Variants in LPCAT1 observed in about 807,000 individuals in gnomAD.
LPCAT1 encodes 1-acylglycerol-3-phosphate O-acyltransferase.
A neutral mutation model predicts 60.9 loss-of-function variants in LPCAT1; 23 were observed. The observed-to-expected ratio is 0.38, with a 90% CI of 0.27 to 0.53. The LOEUF is 0.53. LPCAT1 is among the 20% of genes least tolerant of loss of function. LPCAT1 has a pLI of 0.82. For missense variants in LPCAT1, 622 were observed against 723.6 expected (o/e 0.86, Z 1.61); for synonymous variants, 340 against 301.1 (o/e 1.13, Z -1.34).
Position 1,474,051 on chromosome 5 carries a change from T to A in LPCAT1, c.1085A>T (p.Lys362Met), listed in dbSNP as rs1394832147. ...CGCAATACCTATCTTCTCTCCTCCC[T>A]TCATCCTGGCTCTTTCTGAGTATCT... ...LDRYSERARM[K>M]GGEKIGIAEF... is the part of the protein sequence containing the mutation. Residue 362 changes from lysine to methionine, a missense_variant, in exon 11 of 14, where the codon AAG becomes ATG. Lys to Met is a moderately conservative substitution (Grantham distance 95). This residue lies in a region of LPCAT1 where 288 missense variants were observed against 283.6 expected (regional missense o/e 1.02). Transcript: ENST00000283415. 1 of 1,614,188 alleles carries A rather than the reference T, an allele frequency of 6.2e-7. No homozygotes were observed. Among genetic ancestry groups the A allele is most frequent in the Non-Finnish European group, 8.5e-7 (1 of 1,180,020 alleles).
At chr5:1,473,891 A>T in intron 11 of LPCAT1, 66 bp downstream of exon 11, 5 of 1,560,598 alleles carry the variant, frequency 3.2e-6, no homozygotes, top group Non-Finnish European at 4.4e-6. Context: ...TTAGAATGAG[A>T]ACAATTTATG....
At position 1,474,032 on chromosome 5, in the gene LPCAT1, AC is replaced by A; in HGVS notation, c.1103del (p.Gly368ValfsTer89). The A allele has an allele frequency of 6.2e-7, 1 of 1,614,128 alleles. No homozygotes were observed. Among genetic ancestry groups the A allele is most frequent in the Non-Finnish European group, 8.5e-7 (1 of 1,180,018 alleles). On this transcript the variant is annotated frameshift_variant, in exon 11 of 14. Transcript: ENST00000283415. LOFTEE classifies it high-confidence loss of function. ...RARMKGGEKIGIAEFAASLEV... is the reference protein window; with the variant it reads ...RARMKGGEKIXIAEFAASLEV... ...CCAGGGAGGCGGCAAACTCCGCAAT[AC>A]CTATCTTCTCTCCTCCCTTCATCCT...
chr5:1,509,161 C>T (rs377542592), intron 1 of LPCAT1, among the ~76,000 whole-genome samples: 2 of 152,250 alleles, frequency 1.3e-5, no homozygotes, highest in Non-Finnish European at 2.9e-5. Context: ...GGATGGCGCC[C>T]GGAGACTCGA....
At chr5:1,505,882 G>A (rs1736171836) in intron 1 of LPCAT1, among the ~76,000 whole-genome samples, 1 of 152,256 alleles carries the variant, frequency 6.6e-6, no homozygotes, top group Non-Finnish European at 1.5e-5. Flanking sequence ...GGGAAAGAAT[G>A]CCTGACCACG....
rs1168336545 is a variant in LPCAT1, at chr5:1,463,803, C to A, written c.1453G>T (p.Ala485Ser). 6.2e-7 allele frequency: 1 copy of A among 1,614,254 alleles called. No individual in the cohort carries two copies. ...GGGTACAGGTATTCCTCTGCGAAGG[C>A]AGGGTACATTTCTGCAAACCTGTGG... ...DFHRFAEMYPAFAEEYLYPDQ... is the reference protein window; with the variant it reads ...DFHRFAEMYPSFAEEYLYPDQ... Residue 485 changes from alanine to serine, a missense_variant, in exon 14 of 14, where the codon GCC becomes TCC. Ala to Ser is a moderately conservative substitution (Grantham distance 99). This residue lies in a region of LPCAT1 where 288 missense variants were observed against 283.6 expected (regional missense o/e 1.02). Coordinates refer to ENST00000283415, the MANE Select transcript of LPCAT1 (RefSeq NM_024830.5).
rs1002203828 is a variant in LPCAT1 at position 1,508,972 on chromosome 5, G to A, written c.136-7369C>T. Among the ~76,000 whole-genome samples the A allele has an allele frequency of 6.6e-5, 10 of 152,270 alleles. 1 individual carries two copies. Among genetic ancestry groups the A allele is most frequent in the African/African-American group, 2.4e-4 (10 of 41,474 alleles). On this transcript the variant is annotated intron_variant, in intron 1 of 13. Coordinates refer to ENST00000283415, the MANE Select transcript of LPCAT1 (RefSeq NM_024830.5). ...TGCCAGAGAACATGTGGTCCCTCTC[G>A]TGTGCACTCACGCCATCGCGGTGCC...
At chr5:1,517,927 G>A (rs1021495530) in intron 1 of LPCAT1, among the ~76,000 whole-genome samples, 1 of 152,382 alleles carries the variant, frequency 6.6e-6, no homozygotes, top group Non-Finnish European at 1.5e-5. Flanking sequence ...AGCCGCATCC[G>A]GAATGCATTC....
At chr5:1,518,254 A>C (rs1736565490) in intron 1 of LPCAT1, among the ~76,000 whole-genome samples, 1 of 152,222 alleles carries the variant, frequency 6.6e-6, no homozygotes, top group Non-Finnish European at 1.5e-5. Context: ...CGGAAAAAAA[A>C]CACAGCTGAA....
intron 12 of LPCAT1, among the ~76,000 whole-genome samples, chr5:1,468,204 C>T (rs1443118672): frequency 6.6e-6 from 1 of 152,226 alleles, no homozygotes; most frequent in East Asian, 1.9e-4. Context: ...AGACCCCATC[C>T]TCACCCTCCA....
intron 3 of LPCAT1, among the ~76,000 whole-genome samples, chr5:1,490,230 C>G (rs1013294337): frequency 3.3e-5 from 5 of 152,160 alleles, no homozygotes; most frequent in African/African-American, 1.2e-4. Flanking sequence ...TAGATTGGAC[C>G]CCGCCTTCCC....
At chr5:1,494,281 A>T (rs1029350507) in intron 3 of LPCAT1, among the ~76,000 whole-genome samples, 32 of 152,358 alleles carry the variant, frequency 2.1e-4, no homozygotes, top group African/African-American at 7.7e-4. Context: ...CTGTTATGAT[A>T]GTGAGGGCAC....
rs919674807 is a variant in LPCAT1, at chr5:1,463,813, T to A, written c.1443A>T (p.Glu481Asp). The part of the protein sequence containing the change: ...ITFADFHRFA[E>D]MYPAFAEEYL... ...ATTCCTCTGCGAAGGCAGGGTACAT[T>A]TCTGCAAACCTGTGGAAGTCAGCTG... The change falls in exon 14 of 14, where the codon GAA (glutamate) becomes GAT (aspartate). Residue 481 changes from glutamate (E) to aspartate (D), a missense_variant. Transcript: ENST00000283415. The A allele has an allele frequency of 2.5e-6, 4 of 1,614,086 alleles. No homozygotes were observed. The highest frequency in any genetic ancestry group is 1.3e-5 in the African/African-American group (1 of 74,946).
chr5:1,475,174 G>A (rs1734850487), intron 9 of LPCAT1, among the ~76,000 whole-genome samples: 3 of 152,238 alleles, frequency 2.0e-5, no homozygotes, highest in Non-Finnish European at 2.9e-5. Flanking sequence ...TGCTCTGACC[G>A]TGCCGTGTGT....
In LPCAT1 at chr5:1,466,906, G is replaced by C; in HGVS notation, c.1279-16C>G. ...CTCCGTACATCTGCAAGGCAAACTG[G>C]GTGTCACCTTGCAGCCTCCTCCCCT... On this transcript the variant is annotated splice_polypyrimidine_tract_variant and intron_variant, in intron 12 of 13. Coordinates refer to ENST00000283415, the MANE Select transcript of LPCAT1 (RefSeq NM_024830.5). 1 of 1,547,666 alleles carries C rather than the reference G, an allele frequency of 6.5e-7. No homozygotes were observed. Among genetic ancestry groups the C allele is most frequent in the Middle Eastern group, 1.7e-4 (1 of 5,778 alleles).
In LPCAT1 at chr5:1,483,127, C is replaced by A. The variant is rs1735225366; in HGVS notation, c.726+301G>T. On this transcript the variant is annotated intron_variant, in intron 6 of 13. Transcript: ENST00000283415. This position sits in a 1 kb window ranked among gnomAD's most constrained non-coding sequence, Gnocchi z 9.2. ...CAGGTTTGGCACACAGAGGAAAGGGCAGCTTTGTCAGGAGCTATGGAAGCA... is the reference window on the plus strand; with the variant it reads ...CAGGTTTGGCACACAGAGGAAAGGGAAGCTTTGTCAGGAGCTATGGAAGCA... Among the ~76,000 whole-genome samples the A allele has an allele frequency of 6.6e-6, 1 of 152,172 alleles. No individual in the cohort carries two copies. The highest frequency in any genetic ancestry group is 2.1e-4 in the South Asian group (1 of 4,836).
At chr5:1,509,061 T>C (rs771941358) in intron 1 of LPCAT1, among the ~76,000 whole-genome samples, 72 of 152,358 alleles carry the variant, frequency 4.7e-4, no homozygotes, top group Non-Finnish European at 4.3e-4. Flanking sequence ...CGAGCCCACT[T>C]GTTGGAGATG....
rs115516248 is a variant in LPCAT1 at position 1,493,467 on chromosome 5, G to A, written c.493+1233C>T. 5.8e-3 allele frequency among the ~76,000 whole-genome samples: 889 copies of A among 152,366 alleles called. 11 individuals are homozygous for A. The highest frequency in any genetic ancestry group is 0.02 in the African/African-American group (837 of 41,582). ...AGAAAACTGTCATATGAATGCTAAC[G>A]TTAGGTGCTGCATGGAAACAGAGCC... On this transcript the variant is annotated intron_variant, in intron 3 of 13. Transcript: ENST00000283415.
intron 1 of LPCAT1, among the ~76,000 whole-genome samples, chr5:1,510,548 G>T (rs1736325528): frequency 6.6e-6 from 1 of 152,210 alleles, no homozygotes; most frequent in African/African-American, 2.4e-5. Context: ...CAGTCCACGG[G>T]CGTCTTACGA....
rs567548607 is a variant in LPCAT1, at chr5:1,461,891, G to C, written c.*1760C>G. 1.3e-5 allele frequency: 2 copies of C among 152,522 alleles called. No individual in the cohort carries two copies. Among genetic ancestry groups the C allele is most frequent in the South Asian group, 2.1e-4 (1 of 4,814 alleles). The allele number at this position is 152,522 out of a possible 1,614,324, so 9.4% of individuals were successfully genotyped here. Reference sequence around the variant, plus strand: ...TTCTCCTTGAAAAATGAATCTTTACGCATTCTCCAATTATAAAATCAGTGA... The same window carrying C: ...TTCTCCTTGAAAAATGAATCTTTACCCATTCTCCAATTATAAAATCAGTGA... On this transcript the variant is annotated 3_prime_UTR_variant, in exon 14 of 14. Transcript: ENST00000283415.
Sources: gnomAD v4.1 joint callset for allele counts (sites outside exome capture counted in the v4.1 genomes callset) on GRCh38, gnomAD v4.1.1 for gene constraint, gnomAD v4.1.1 regional missense constraint, Gnocchi (gnomAD v3.1) non-coding constraint, MANE v1.5 for transcripts, NCBI Gene and HGNC (gene_info 2026-07-23, HGNC 2026-07-21) for gene names.